The following OTOF variants were observed in gnomAD, a reference collection of about 807,000 sequenced individuals.
The protein encoded by OTOF is otoferlin.
In OTOF, 218 loss-of-function variants were observed where a neutral mutation model predicts 236.8. The ratio of observed to expected loss-of-function variants is 0.92; its 90% confidence interval spans 0.82 to 1.03. The LOEUF is 1.03. OTOF is among the 50% of genes least tolerant of loss of function. The probability of loss-of-function intolerance (pLI) is 0.00; values close to 1 mark genes in which losing one functional copy is unlikely to be tolerated. For missense variants in OTOF, 2,590 were observed against 2,694.4 expected (o/e 0.96, Z 0.86); for synonymous variants, 1,041 against 1,072.5 (o/e 0.97, Z 0.57).
intron 3 of OTOF, among the ~76,000 whole-genome samples, chr2:26,525,923 C>T (rs1344415825): frequency 6.6e-6 from 1 of 151,828 alleles, no homozygotes; most frequent in Non-Finnish European, 1.5e-5. Flanking sequence ...CCCATCTCTA[C>T]TAAAAATACA....
intron 6 of OTOF, among the ~76,000 whole-genome samples, chr2:26,502,868 T>C (rs772350066): frequency 8.5e-5 from 13 of 152,294 alleles, no homozygotes; most frequent in Non-Finnish European, 1.9e-4. Context: ...ATGTCACAGG[T>C]ACAGAAACGA....
Position 26,461,158 on chromosome 2 carries a change from C to T in OTOF, c.5534-128G>A, listed in dbSNP as rs1664447063. 1 of 832,032 alleles carries T rather than the reference C, an allele frequency of 1.2e-6. No homozygotes were observed. The highest frequency in any genetic ancestry group is 2.7e-5 in the East Asian group (1 of 37,458). 51.5% of individuals were successfully genotyped at this position (832,032 alleles called of 1,614,324 possible). ...CTCCCTGAGCCCACATCTCATCCTCCTGCCTCACTCCCAGCAACTGGCCTC... is the reference window on the plus strand; with the variant it reads ...CTCCCTGAGCCCACATCTCATCCTCTTGCCTCACTCCCAGCAACTGGCCTC... On this transcript the variant is annotated intron_variant, in intron 43 of 46. Coordinates refer to ENST00000272371, the MANE Select transcript of OTOF (RefSeq NM_194248.3). The surrounding 1 kb of genome is among the most constrained non-coding windows in gnomAD (Gnocchi z 6.2).
intron 14 of OTOF, among the ~76,000 whole-genome samples, chr2:26,481,266 G>T (rs1164287761): frequency 6.6e-6 from 1 of 152,232 alleles, no homozygotes; most frequent in Admixed American, 6.5e-5. Flanking sequence ...CTGGAACTTA[G>T]AGCAGGAATT....
chr2:26,528,308 A>G (rs1345233873), intron 2 of OTOF, among the ~76,000 whole-genome samples: 1 of 152,200 alleles, frequency 6.6e-6, no homozygotes, highest in African/African-American at 2.4e-5. Context: ...CCAGGGAGAC[A>G]GCAAGGAATG....
intron 12 of OTOF, 147 bp from the exon 13 acceptor site, chr2:26,483,795 C>A: frequency 1.4e-6 from 1 of 715,694 alleles, no homozygotes; most frequent in Non-Finnish European, 2.3e-6. Context: ...GTTCACGGAA[C>A]TTGCCCCTTG....
chr2:26,494,329 AGT>A (rs1240986602), intron 9 of OTOF, among the ~76,000 whole-genome samples: 2 of 152,272 alleles, frequency 1.3e-5, no homozygotes, highest in African/African-American at 4.8e-5. Flanking sequence ...AATCAAGGCC[AGT>A]GCTCTGGAGA....
chr2:26,518,528 G>C (rs11694914), intron 4 of OTOF, among the ~76,000 whole-genome samples: 73,468 of 152,168 alleles, frequency 0.48, 18,264 homozygotes, highest in Admixed American at 0.59. Flanking sequence ...GTTAGAACAT[G>C]TGTCAGGTGC....
intron 1 of OTOF, among the ~76,000 whole-genome samples, chr2:26,539,118 TACA>T (rs976023761): frequency 6.6e-6 from 1 of 151,960 alleles, no homozygotes; most frequent in African/African-American, 2.4e-5. Flanking sequence ...AGGCCTCCAG[TACA>T]ACACCATTCA....
chr2:26,521,506 G>T (rs1306302155), intron 3 of OTOF, among the ~76,000 whole-genome samples: 1 of 152,172 alleles, frequency 6.6e-6, no homozygotes, highest in East Asian at 1.9e-4. Context: ...CTTGTCCAGC[G>T]CCCCTTCCAG....
rs749064361 is a variant in OTOF at position 26,470,549 on chromosome 2, A to T, written c.4023+44T>A. 5 of 1,595,370 alleles carry T rather than the reference A, an allele frequency of 3.1e-6. No individual in the cohort carries two copies. The highest frequency in any genetic ancestry group is 4.3e-6 in the Non-Finnish European group (5 of 1,163,172). Reference sequence around the variant, plus strand: ...GAAAGAAGCTGGACAGGAGGGTCTGAGTGTGGAGGGGGTCACCTCCCCTCA... The same window carrying T: ...GAAAGAAGCTGGACAGGAGGGTCTGTGTGTGGAGGGGGTCACCTCCCCTCA... On this transcript the variant is annotated intron_variant, in intron 32 of 46. Coordinates refer to ENST00000272371, the MANE Select transcript of OTOF (RefSeq NM_194248.3). The surrounding 1 kb of genome is among the most constrained non-coding windows in gnomAD (Gnocchi z 4.3).
intron 5 of OTOF, among the ~76,000 whole-genome samples, chr2:26,504,730 GGA>G (rs2148081738): frequency 6.6e-6 from 1 of 152,286 alleles, no homozygotes; most frequent in African/African-American, 2.4e-5. Flanking sequence ...CCTGGCACCA[GGA>G]AGCCCCAGGA....
rs145372845 is a variant in OTOF, at chr2:26,478,590, GA to G, written c.2214+673del. Among the ~76,000 whole-genome samples, 1,127 of 152,298 alleles carry G rather than the reference GA, an allele frequency of 7.4e-3. 44 individuals carry two copies. The East Asian group carries it at 0.12, about 16-fold the overall frequency. On this transcript the variant is annotated intron_variant, in intron 18 of 46. Coordinates refer to ENST00000272371, the MANE Select transcript of OTOF (RefSeq NM_194248.3). ...TCAGTGCCCATGGCTCATGGGGGGA[GA>G]GGGGTGGGCAGAGGAGGAGGGGGCA...
intron 3 of OTOF, among the ~76,000 whole-genome samples, chr2:26,526,730 G>A (rs4438439): frequency 0.33 from 49,536 of 151,868 alleles, 10,266 homozygotes; most frequent in Non-Finnish European, 0.48. Flanking sequence ...TTAGGATGAG[G>A]CCTACTTTTC....
intron 34 of OTOF, 41 bp downstream of exon 34, chr2:26,467,324 G>A (rs368703698): frequency 1.1e-5 from 18 of 1,613,018 alleles, no homozygotes; most frequent in South Asian, 8.8e-5. Flanking sequence ...CCCTCTTCCC[G>A]CCCCCACACA....
intron 46 of OTOF, 103 bp downstream of exon 46, chr2:26,459,905 C>T (rs1572397502): frequency 1.8e-6 from 2 of 1,120,564 alleles, no homozygotes; most frequent in South Asian, 1.4e-5. Flanking sequence ...TTTGTGTGCA[C>T]ATGTATGCAT....
chr2:26,535,718 G>A (rs1572486812), intron 2 of OTOF, among the ~76,000 whole-genome samples: 1 of 152,198 alleles, frequency 6.6e-6, no homozygotes, highest in African/African-American at 2.4e-5. Context: ...GGGGTGTTGA[G>A]CCCAGGTTCC....
intron 3 of OTOF, among the ~76,000 whole-genome samples, chr2:26,519,457 G>T (rs1288116716): frequency 6.6e-6 from 1 of 152,216 alleles, no homozygotes; most frequent in Non-Finnish European, 1.5e-5. Flanking sequence ...GCTGGGAAAG[G>T]ACCTGAGTTT....
In OTOF at chr2:26,464,828, CCTGGAGAGGGGGCAGGCGGCTG is replaced by C. The variant is rs1664648248; in HGVS notation, c.4960+19_4960+40del. 1 of 1,586,240 alleles carries C rather than the reference CCTGGAGAGGGGGCAGGCGGCTG, an allele frequency of 6.3e-7. No individual in the cohort carries two copies. The highest frequency in any genetic ancestry group is 8.6e-7 in the Non-Finnish European group (1 of 1,164,744). Reference sequence around the variant, plus strand: ...GGGCCCCTCCTGGCCTCTGAAACCCCCTGGAGAGGGGGCAGGCGGCTGCATCCAGTGCCCCATTACCGTTCTC... The same window carrying C: ...GGGCCCCTCCTGGCCTCTGAAACCCCCATCCAGTGCCCCATTACCGTTCTC... On this transcript the variant is annotated intron_variant, in intron 39 of 46. Transcript: ENST00000272371.
Position 26,518,999 on chromosome 2 carries a change from G to A in OTOF, c.327+11C>T. 1 of 1,591,208 alleles carries A rather than the reference G, an allele frequency of 6.3e-7. No homozygotes were observed. The highest frequency in any genetic ancestry group is 8.6e-7 in the Non-Finnish European group (1 of 1,162,668). On this transcript the variant is annotated intron_variant, in intron 4 of 46. Transcript: ENST00000272371. ...ATGGGAAAGTCCAGGAACTCCGTGG[G>A]GCATACCCACCTTGATGATAGCATT...
Sources: gnomAD v4.1 joint callset for allele counts (sites outside exome capture counted in the v4.1 genomes callset) on GRCh38, gnomAD v4.1.1 for gene constraint, Gnocchi (gnomAD v3.1) non-coding constraint, MANE v1.5 for transcripts, NCBI Gene and HGNC (gene_info 2026-07-23, HGNC 2026-07-21) for gene names.